CDK5RAP2: variants seen among roughly 807,000 people sequenced by gnomAD.
CDK5RAP2 encodes the protein CDK5 regulatory subunit associated protein 2.
Under a neutral mutation model 232.9 loss-of-function variants are expected in CDK5RAP2, and 147 were observed. The ratio of observed to expected loss-of-function variants is 0.63; its 90% CI spans 0.55 to 0.72. CDK5RAP2 has a LOEUF of 0.72. Ranked by LOEUF, CDK5RAP2 falls within the 30% of genes least tolerant of loss-of-function variation. The pLI, the probability that CDK5RAP2 is intolerant of heterozygous loss-of-function variation, is 0.00. For synonymous variants in CDK5RAP2, 833 were observed against 833.7 expected (o/e 1.00, Z 0.01); for missense variants, 2,195 against 2,231.5 (o/e 0.98, Z 0.33).
At position 120,541,112 on chromosome 9, in the gene CDK5RAP2, G is replaced by A. The variant is rs534989608; in HGVS notation, c.384-1948C>T. 4.6e-5 allele frequency among the ~76,000 whole-genome samples: 7 copies of A among 152,284 alleles called. No homozygotes were observed. In the South Asian group the frequency reaches 1.2e-3, roughly 27 times the overall value. On this transcript the variant is annotated intron_variant, in intron 5 of 37. Transcript: ENST00000349780. The stretch of plus-strand genomic sequence containing the variant: ...CTTCCTTCCCGAGCCTTGGCTACAG[G>A]ATTTCTCCAGGAATGAATTTCTGCT...
intron 12 of CDK5RAP2, among the ~76,000 whole-genome samples, chr9:120,494,865 G>A (rs1166256448): frequency 8.0e-6 from 1 of 125,032 alleles, no homozygotes; most frequent in Non-Finnish European, 1.6e-5. Context: ...GCGCGGCTGC[G>A]CTGCGGCCCG....
At chr9:120,471,602 AT>A in intron 16 of CDK5RAP2, 145 bp downstream of exon 16, 1 of 1,162,894 alleles carries the variant, frequency 8.6e-7, no homozygotes, top group Non-Finnish European at 1.3e-6. Flanking sequence ...GAAGGCTAAC[AT>A]CAGCATGGTC....
chr9:120,407,582 C>A, intron 31 of CDK5RAP2: 1 of 338,772 alleles, frequency 3.0e-6, no homozygotes. Flanking sequence ...ATTTTAAGAG[C>A]CACACTATAT....
chr9:120,510,597 G>C (rs181759765), intron 12 of CDK5RAP2, among the ~76,000 whole-genome samples: 1 of 152,246 alleles, frequency 6.6e-6, no homozygotes, highest in Admixed American at 6.5e-5. Context: ...ACTAAAAGGA[G>C]AGCCCAGGTT....
intron 1 of CDK5RAP2, 24 bp from the exon 2 acceptor site, chr9:120,572,065 G>C: frequency 6.5e-7 from 1 of 1,548,518 alleles, no homozygotes; most frequent in Middle Eastern, 1.7e-4. Flanking sequence ...CATGAGATAA[G>C]AGATGAGCTA....
chr9:120,404,013 T>C, intron 33 of CDK5RAP2, 23 bp downstream of exon 33: 1 of 1,545,818 alleles, frequency 6.5e-7, no homozygotes, highest in Non-Finnish European at 8.9e-7. Context: ...GCTCCCACAG[T>C]TACCTGGACT....
At chr9:120,428,013 A>G (rs1475188310) in intron 25 of CDK5RAP2, among the ~76,000 whole-genome samples, 1 of 152,230 alleles carries the variant, frequency 6.6e-6, no homozygotes, top group Non-Finnish European at 1.5e-5. Context: ...ACTACTGGGT[A>G]CATAACGAAA....
At chr9:120,536,976 G>T (rs1354296541) in intron 6 of CDK5RAP2, among the ~76,000 whole-genome samples, 1 of 148,124 alleles carries the variant, frequency 6.8e-6, no homozygotes, top group Non-Finnish European at 1.5e-5. Flanking sequence ...TGATTCAGTT[G>T]GGAAAAAAAA....
At chr9:120,390,452 T>A (rs1208378279) in intron 36 of CDK5RAP2, among the ~76,000 whole-genome samples, 1 of 152,134 alleles carries the variant, frequency 6.6e-6, no homozygotes, top group Admixed American at 6.5e-5. Flanking sequence ...GTTTCAGAGG[T>A]CCCTGCTGAC....
At chr9:120,425,690 G>A (rs1264891503) in intron 25 of CDK5RAP2, among the ~76,000 whole-genome samples, 1 of 152,208 alleles carries the variant, frequency 6.6e-6, no homozygotes, top group Non-Finnish European at 1.5e-5. Context: ...CAGTCCTACA[G>A]AGTTAACTTC....
At chr9:120,444,676 C>G (rs1248366020) in intron 22 of CDK5RAP2, among the ~76,000 whole-genome samples, 1 of 152,170 alleles carries the variant, frequency 6.6e-6, no homozygotes, top group Non-Finnish European at 1.5e-5. Context: ...TGGAACATAC[C>G]TTTGGCTATG....
intron 2 of CDK5RAP2, among the ~76,000 whole-genome samples, chr9:120,569,356 A>G (rs1317400731): frequency 6.6e-6 from 1 of 152,258 alleles, no homozygotes; most frequent in Non-Finnish European, 1.5e-5. Flanking sequence ...CAACTGCATA[A>G]TATGTTAAAA....
intron 7 of CDK5RAP2, among the ~76,000 whole-genome samples, chr9:120,533,605 C>CCGG (rs2041252853): frequency 6.6e-6 from 1 of 151,798 alleles, no homozygotes; most frequent in Non-Finnish European, 1.5e-5. Context: ...ACCAGCCTGG[C>CCGG]CAACATGGTG....
chr9:120,477,832 C>A (rs1183781393), intron 14 of CDK5RAP2, among the ~76,000 whole-genome samples: 7 of 152,182 alleles, frequency 4.6e-5, no homozygotes, highest in Non-Finnish European at 4.4e-5. Context: ...AAGAGAAATT[C>A]ACAAACCAAA....
chr9:120,434,648 C>G (rs998781877), intron 25 of CDK5RAP2, among the ~76,000 whole-genome samples: 2 of 151,892 alleles, frequency 1.3e-5, no homozygotes, highest in East Asian at 3.9e-4. Context: ...GGATGGAAGA[C>G]GTGCAGAAGG....
chr9:120,440,684 C>A (rs2035849389), intron 23 of CDK5RAP2, among the ~76,000 whole-genome samples: 1 of 152,208 alleles, frequency 6.6e-6, no homozygotes, highest in South Asian at 2.1e-4. Context: ...GTAGCTCTCC[C>A]TCACCAGACT....
chr9:120,501,380 T>G (rs2039568604), intron 12 of CDK5RAP2, among the ~76,000 whole-genome samples: 1 of 152,214 alleles, frequency 6.6e-6, no homozygotes, highest in African/African-American at 2.4e-5. Flanking sequence ...CCATGGAACC[T>G]CCTAATATAG....
At chr9:120,508,956 G>A (rs905163861) in intron 12 of CDK5RAP2, among the ~76,000 whole-genome samples, 5 of 152,204 alleles carry the variant, frequency 3.3e-5, no homozygotes, top group African/African-American at 1.2e-4. Context: ...GCCTGGCACA[G>A]AAATGATAAA....
chr9:120,520,771 CAG>C lies in CDK5RAP2; in HGVS notation c.1093-2128_1093-2127del, dbSNP rs371537618. 3.1e-3 allele frequency among the ~76,000 whole-genome samples: 377 copies of C among 119,832 alleles called. 4 individuals are homozygous for C. Among genetic ancestry groups the C allele is most frequent in the East Asian group, 8.9e-3 (35 of 3,936 alleles). The allele number at this position is 119,832 out of a possible 152,430, so 78.6% of individuals were successfully genotyped here. On this transcript the variant is annotated intron_variant, in intron 11 of 37. Transcript: ENST00000349780. The stretch of plus-strand genomic sequence containing the variant: ...ATCTCATATCTCATGAGATATATCT[CAG>C]ATATCTCATGAGATATATCTCATAT...
Sources: gnomAD v4.1 joint callset for allele counts (sites outside exome capture counted in the v4.1 genomes callset) on GRCh38, gnomAD v4.1.1 for gene constraint, MANE v1.5 for transcripts, NCBI Gene and HGNC (gene_info 2026-07-23, HGNC 2026-07-21) for gene names.